IRAK3: variants seen among roughly 807,000 people sequenced by gnomAD.
IRAK3 encodes interleukin-1 receptor-associated kinase 3.
Under a neutral mutation model 56.6 loss-of-function variants are expected in IRAK3, and 57 were observed. The ratio of observed to expected loss-of-function variants is 1.01; its 90% confidence interval spans 0.81 to 1.26. The LOEUF (loss-of-function observed/expected upper bound fraction) is 1.26, where lower values mean the gene tolerates loss of function less well. Ranked by LOEUF, IRAK3 falls within the 50% of genes most tolerant of loss-of-function variation. The pLI, the probability that IRAK3 is intolerant of heterozygous loss-of-function variation, is 0.00. For synonymous variants in IRAK3, 258 were observed against 255.7 expected (o/e 1.01, Z -0.09); for missense variants, 703 against 719.0 (o/e 0.98, Z 0.25).
chr12:66,233,720 T>TAA (rs769700514), intron 8 of IRAK3, among the ~76,000 whole-genome samples: 9 of 151,036 alleles, frequency 6.0e-5, no homozygotes, highest in Non-Finnish European at 7.4e-5. Context: ...GTCATGCACT[T>TAA]GGATAAGTCT....
At chr12:66,208,061 A>G (rs1033003971) in intron 2 of IRAK3, among the ~76,000 whole-genome samples, 3 of 152,214 alleles carry the variant, frequency 2.0e-5, no homozygotes, top group Admixed American at 2.0e-4. Context: ...GTTATCAAGG[A>G]AATTTGTTAT....
rs768396002 is a variant in IRAK3 at position 66,247,950 on chromosome 12, G to C, written c.1570G>C (p.Glu524Gln). The change falls in exon 12 of 12, where the codon GAG (glutamate) becomes CAG (glutamine). Residue 524 changes from glutamate to glutamine, a missense_variant. Transcript: ENST00000261233. ...VMFLSLDKKP[E>Q]SKRNEEACNM... ...GTTTCTGAGCTTGGACAAAAAGCCA[G>C]AGAGCAAGAGAAATGAGGAAGCTTG... 6.2e-7 allele frequency: 1 copy of C among 1,612,770 alleles called. No individual in the cohort carries two copies. Among genetic ancestry groups the C allele is most frequent in the East Asian group, 2.2e-5 (1 of 44,880 alleles).
rs2053012534 is a variant in IRAK3 at position 66,245,001 on chromosome 12, T to C, written c.1140T>C (p.His380=). 1.2e-6 allele frequency: 2 copies of C among 1,613,806 alleles called. No individual in the cohort carries two copies. Among genetic ancestry groups the C allele is most frequent in the South Asian group, 2.2e-5 (2 of 91,076 alleles). ...GAGTAGTGTTAGATGATCCAAAACA[T>C]ATCCAGCTGGTAAGAATTGTTTTCA... ...GCRVVLDDPK[H]IQLRDLLREL... is the part of the protein sequence containing the mutation. Residue 380 remains histidine, a synonymous_variant, in exon 10 of 12, where the codon CAT becomes CAC. Coordinates refer to ENST00000261233, the MANE Select transcript of IRAK3 (RefSeq NM_007199.3).
chr12:66,215,469 T>C (rs921002063), intron 5 of IRAK3, among the ~76,000 whole-genome samples: 6 of 152,190 alleles, frequency 3.9e-5, no homozygotes, highest in African/African-American at 1.4e-4. Flanking sequence ...ATTACGTTAT[T>C]CACCCACCTC....
At chr12:66,220,945 A>T (rs2052727037) in intron 6 of IRAK3, among the ~76,000 whole-genome samples, 1 of 152,232 alleles carries the variant, frequency 6.6e-6, no homozygotes. Context: ...TTGAATGTGT[A>T]GCTCACTTTG....
intron 8 of IRAK3, among the ~76,000 whole-genome samples, chr12:66,232,854 C>A (rs1164274005): frequency 6.6e-6 from 1 of 152,152 alleles, no homozygotes; most frequent in East Asian, 1.9e-4. Flanking sequence ...TAAACAGTGG[C>A]CTTTTCCCAG....
chr12:66,197,388 A>G, intron 1 of IRAK3: 3 of 991,582 alleles, frequency 3.0e-6, no homozygotes, highest in Non-Finnish European at 3.6e-6. Context: ...TGTAATTAAC[A>G]TGTTGAGAGT....
intron 8 of IRAK3, chr12:66,234,408 C>G: frequency 6.2e-7 from 1 of 1,610,882 alleles, no homozygotes; most frequent in South Asian, 1.1e-5. Flanking sequence ...TAGGCAGATA[C>G]AGGAGATACA....
At chr12:66,204,034 A>C in intron 2 of IRAK3, 141 bp downstream of exon 2, 1 of 715,580 alleles carries the variant, frequency 1.4e-6, no homozygotes, top group Non-Finnish European at 2.4e-6. Flanking sequence ...TCTGGAAGGG[A>C]CTTTCCAGCT....
At position 66,244,664 on chromosome 12, in the gene IRAK3, G is replaced by A; in HGVS notation, c.1066G>A (p.Asp356Asn). The A allele has an allele frequency of 6.2e-7, 1 of 1,613,820 alleles. No individual in the cohort carries two copies. Among genetic ancestry groups the A allele is most frequent in the Non-Finnish European group, 8.5e-7 (1 of 1,179,704 alleles). ...IRQGKLSIKTDVYSFGIVIME... is the reference protein window; with the variant it reads ...IRQGKLSIKTNVYSFGIVIME... ...ACAGGGGAAACTTTCCATTAAAACA[G>A]ATGTCTACAGCTTTGGAATTGTGAG... Residue 356 changes from aspartate to asparagine, a missense_variant, in exon 9 of 12, where the codon GAT becomes AAT. Physicochemically the swap from Asp to Asn is conservative, Grantham distance 23. Transcript: ENST00000261233.
At chr12:66,206,266 AG>A (rs1297814923) in intron 2 of IRAK3, among the ~76,000 whole-genome samples, 1 of 152,170 alleles carries the variant, frequency 6.6e-6, no homozygotes, top group Non-Finnish European at 1.5e-5. Context: ...TAGAACCTTT[AG>A]CATGTTGAGT....
At chr12:66,198,136 G>A in intron 1 of IRAK3, 1 of 980,718 alleles carries the variant, frequency 1.0e-6, no homozygotes, top group Non-Finnish European at 1.2e-6. Context: ...TCTTCCAAAA[G>A]GTAAAGCTTC....
At chr12:66,235,439 G>C (rs950306933) in intron 8 of IRAK3, among the ~76,000 whole-genome samples, 3 of 151,462 alleles carry the variant, frequency 2.0e-5, no homozygotes, top group Non-Finnish European at 4.4e-5. Flanking sequence ...GCGGCCGGCG[G>C]GGGCTGCAGC....
chr12:66,195,088 C>T (rs866402543), intron 1 of IRAK3, among the ~76,000 whole-genome samples: 1 of 152,206 alleles, frequency 6.6e-6, no homozygotes, highest in African/African-American at 2.4e-5. Context: ...CCCAGCCCTC[C>T]CAAAGTTTTC....
rs1172473605 is a variant in IRAK3 at position 66,252,294 on chromosome 12, A to C, written c.*4123A>C. The C allele has an allele frequency of 6.6e-6, 1 of 152,230 alleles. No individual in the cohort carries two copies. Among genetic ancestry groups the C allele is most frequent in the Non-Finnish European group, 1.5e-5 (1 of 68,040 alleles). The allele number at this position is 152,230 out of a possible 1,614,324, so 9.4% of individuals were successfully genotyped here. A position where few individuals can be genotyped will look rare whatever the true frequency, so the allele number is the denominator to read the frequency against. On this transcript the variant is annotated 3_prime_UTR_variant, in exon 12 of 12. Transcript: ENST00000261233. ...AGGTCCTTCCAGATCTGGAGGAGCC[A>C]GGATTTGAACTCACATTTGTCTGAC... is the stretch of plus-strand genomic sequence containing the variant.
chr12:66,200,897 G>A (rs1470590823), intron 1 of IRAK3, among the ~76,000 whole-genome samples: 2 of 152,102 alleles, frequency 1.3e-5, no homozygotes, highest in African/African-American at 4.8e-5. Context: ...TGCAACCTCT[G>A]CCTCCTGGGT....
chr12:66,236,395 CAAAAAAA>C (rs56074285), intron 8 of IRAK3, among the ~76,000 whole-genome samples: 46 of 110,378 alleles, frequency 4.2e-4, no homozygotes, highest in East Asian at 1.9e-3. Context: ...CTAAAAATAC[CAAAAAAA>C]AAAAAAAAAA....
chr12:66,239,187 C>T (rs1237390879), intron 8 of IRAK3, among the ~76,000 whole-genome samples: 2 of 152,048 alleles, frequency 1.3e-5, no homozygotes, highest in Non-Finnish European at 2.9e-5. Context: ...CCTATAAAAT[C>T]ATGTTCTTTA....
At chr12:66,234,261 T>C in intron 8 of IRAK3, 3 of 1,613,330 alleles carry the variant, frequency 1.9e-6, no homozygotes, top group Non-Finnish European at 2.5e-6. Flanking sequence ...GACAGATGAC[T>C]CATCTGCTGG....
Sources: allele counts gnomAD v4.1 joint callset (sites outside exome capture counted in the v4.1 genomes callset), GRCh38; gene constraint gnomAD v4.1.1; transcripts MANE v1.5; gene names NCBI Gene and HGNC (gene_info 2026-07-23, HGNC 2026-07-21).